The following PTPRD variants were observed in gnomAD, a reference collection of about 807,000 sequenced individuals.
PTPRD encodes the protein protein tyrosine phosphatase receptor type D, also known as receptor-type tyrosine-protein phosphatase delta.
PTPRD carries 34 observed loss-of-function variants against 214.5 expected under a neutral mutation model. The ratio of observed to expected loss-of-function variants is 0.16; its 90% CI spans 0.12 to 0.21. The LOEUF is 0.21. Ranked by LOEUF, PTPRD falls within the 10% of genes least tolerant of loss-of-function variation. PTPRD has a pLI of 1.00. For synonymous variants in PTPRD, 1,128 were observed against 845.7 expected (o/e 1.33, Z -5.79); for missense variants, 2,545 against 2,398.7 (o/e 1.06, Z -1.27).
chr9:9,484,842 G>A (rs1015862442), intron 8 of PTPRD, among the ~76,000 whole-genome samples: 4 of 152,032 alleles, frequency 2.6e-5, no homozygotes, highest in Middle Eastern at 3.2e-3. Context: ...CTATATACCC[G>A]GTTTTTATTT....
intron 3 of PTPRD, among the ~76,000 whole-genome samples, chr9:10,119,528 A>G (rs542607478): frequency 5.3e-5 from 8 of 152,180 alleles, no homozygotes; most frequent in African/African-American, 1.9e-4. Flanking sequence ...GATAATTTTT[A>G]TAACAGAGTA....
chr9:9,750,594 C>T (rs935780429), intron 6 of PTPRD, among the ~76,000 whole-genome samples: 3 of 152,092 alleles, frequency 2.0e-5, no homozygotes, highest in African/African-American at 4.8e-5. Context: ...TAATGTGAAA[C>T]TCTAACTTCC....
intron 2 of PTPRD, among the ~76,000 whole-genome samples, chr9:10,581,401 G>C (rs752087751): frequency 6.6e-6 from 1 of 152,194 alleles, no homozygotes; most frequent in Non-Finnish European, 1.5e-5. Context: ...CTGCTCATCT[G>C]TTTATTCATA....
At chr9:8,349,256 A>G (rs1313168959) in intron 39 of PTPRD, among the ~76,000 whole-genome samples, 1 of 152,126 alleles carries the variant, frequency 6.6e-6, no homozygotes, top group Non-Finnish European at 1.5e-5. Flanking sequence ...AACCTCCGGC[A>G]CTTATTTTTC....
chr9:8,441,001 A>G (rs2095528900), intron 34 of PTPRD, among the ~76,000 whole-genome samples: 5 of 152,100 alleles, frequency 3.3e-5, no homozygotes, highest in Admixed American at 3.3e-4. Context: ...CTATTCCGAG[A>G]ACGGCATTTG....
At chr9:8,783,705 G>A (rs1048066285) in intron 11 of PTPRD, among the ~76,000 whole-genome samples, 10 of 152,136 alleles carry the variant, frequency 6.6e-5, no homozygotes, top group South Asian at 4.1e-4. Context: ...GATGACAAAC[G>A]GCTCAGTTCC....
intron 8 of PTPRD, among the ~76,000 whole-genome samples, chr9:9,477,540 A>G (rs1309269580): frequency 1.3e-5 from 2 of 152,188 alleles, no homozygotes; most frequent in East Asian, 3.9e-4. Context: ...TATTTATTTT[A>G]CTATCCATAT....
At chr9:10,312,316 T>C (rs547483833) in intron 3 of PTPRD, among the ~76,000 whole-genome samples, 3 of 152,142 alleles carry the variant, frequency 2.0e-5, no homozygotes, top group South Asian at 2.1e-4. Flanking sequence ...GTAAAGAACA[T>C]TGATTTCTTA....
At chr9:9,595,375 GAT>G (rs891876243) in intron 7 of PTPRD, among the ~76,000 whole-genome samples, 2 of 138,254 alleles carry the variant, frequency 1.4e-5, no homozygotes, top group African/African-American at 5.8e-5. Context: ...GATAAACTGT[GAT>G]ATATATATTC....
intron 5 of PTPRD, among the ~76,000 whole-genome samples, chr9:9,897,107 TAAAACA>T (rs1208313639): frequency 1.5e-5 from 2 of 135,664 alleles, no homozygotes; most frequent in African/African-American, 2.8e-5. Flanking sequence ...TCCCTGTCAT[TAAAACA>T]AAAACATCTC....
intron 2 of PTPRD, among the ~76,000 whole-genome samples, chr9:10,485,215 G>T (rs2099124814): frequency 6.6e-6 from 1 of 151,978 alleles, no homozygotes; most frequent in Middle Eastern, 3.4e-3. Context: ...CTGTTCCATT[G>T]GTCTACGTGT....
At chr9:9,417,250 T>G (rs1569568132) in intron 8 of PTPRD, among the ~76,000 whole-genome samples, 1 of 152,156 alleles carries the variant, frequency 6.6e-6, no homozygotes, top group Non-Finnish European at 1.5e-5. Flanking sequence ...GTTAATCTGC[T>G]TGGTAAAATT....
At chr9:10,436,638 A>G (rs946745773) in intron 2 of PTPRD, among the ~76,000 whole-genome samples, 1 of 151,776 alleles carries the variant, frequency 6.6e-6, no homozygotes, top group African/African-American at 2.4e-5. Context: ...TATATAATGC[A>G]TAAACTCTTA....
intron 10 of PTPRD, among the ~76,000 whole-genome samples, chr9:9,027,380 C>T (rs1241710518): frequency 1.3e-5 from 2 of 151,874 alleles, no homozygotes; most frequent in Non-Finnish European, 2.9e-5. Flanking sequence ...GTACACTATA[C>T]AAACACTGTA....
At chr9:8,473,409 A>G (rs1935300623) in intron 30 of PTPRD, among the ~76,000 whole-genome samples, 2 of 152,140 alleles carry the variant, frequency 1.3e-5, no homozygotes, top group African/African-American at 4.8e-5. Flanking sequence ...CAAGTCCATC[A>G]TGTTAAATGA....
intron 4 of PTPRD, among the ~76,000 whole-genome samples, chr9:9,944,709 T>C (rs1358307372): frequency 6.6e-5 from 10 of 151,946 alleles, no homozygotes; most frequent in Non-Finnish European, 1.5e-4. Context: ...CTTTTTTTTT[T>C]CCAGTGGATT....
intron 2 of PTPRD, among the ~76,000 whole-genome samples, chr9:10,576,691 T>C (rs1305891306): frequency 1.3e-5 from 2 of 152,152 alleles, no homozygotes; most frequent in African/African-American, 2.4e-5. Flanking sequence ...AGAACCAGTG[T>C]CACAGTAAAA....
At chr9:9,911,887 C>T (rs1201229364) in intron 5 of PTPRD, among the ~76,000 whole-genome samples, 3 of 152,020 alleles carry the variant, frequency 2.0e-5, no homozygotes, top group African/African-American at 7.2e-5. Flanking sequence ...GTGGCCAGGT[C>T]ATTTTTACTT....
intron 4 of PTPRD, among the ~76,000 whole-genome samples, chr9:9,942,278 C>T (rs73643830): frequency 0.026 from 4,011 of 152,156 alleles, 200 homozygotes; most frequent in African/African-American, 0.092. Context: ...ATGGGTCTTA[C>T]ATTTTTCACT....
Sources: gnomAD v4.1 joint callset for allele counts (sites outside exome capture counted in the v4.1 genomes callset) on GRCh38, gnomAD v4.1.1 for gene constraint, MANE v1.5 for transcripts, NCBI Gene and HGNC (gene_info 2026-07-23, HGNC 2026-07-21) for gene names.